Variants in ACSBG1 observed in about 807,000 individuals in gnomAD.
ACSBG1 encodes long-chain-fatty-acid--CoA ligase ACSBG1.
ACSBG1 carries 39 observed loss-of-function variants against 80.2 expected under a neutral mutation model. The observed-to-expected ratio is 0.49, with a 90% CI of 0.38 to 0.64. ACSBG1 has a LOEUF of 0.64. Ranked by LOEUF, ACSBG1 falls within the 30% of genes least tolerant of loss-of-function variation. The pLI is 0.00. For missense variants in ACSBG1, 828 were observed against 966.4 expected, an observed-to-expected ratio of 0.86 and a Z score of 1.90; for synonymous variants, 392 against 379.5, an observed-to-expected ratio of 1.03 and a Z score of -0.38.
intron 5 of ACSBG1, among the ~76,000 whole-genome samples, chr15:78,183,083 T>G (rs1246416138): frequency 6.6e-6 from 1 of 152,116 alleles, no homozygotes; most frequent in Non-Finnish European, 1.5e-5. Context: ...GGAGTAGTGC[T>G]ATGTGACTGT....
At chr15:78,212,636 A>G (rs1295147088) in intron 1 of ACSBG1, 1 of 455,406 alleles carries the variant, frequency 2.2e-6, no homozygotes, top group East Asian at 7.0e-5. Context: ...GAGCTTGCCC[A>G]GGAGAGAGCC....
At chr15:78,183,278 TTA>T (rs1448631649) in intron 5 of ACSBG1, among the ~76,000 whole-genome samples, 3 of 152,224 alleles carry the variant, frequency 2.0e-5, no homozygotes, top group Non-Finnish European at 4.4e-5. Context: ...AAGTATTTAC[TTA>T]TGTTTACAAA....
intron 2 of ACSBG1, among the ~76,000 whole-genome samples, chr15:78,203,383 T>G (rs903359781): frequency 6.6e-6 from 1 of 152,228 alleles, no homozygotes; most frequent in East Asian, 1.9e-4. Flanking sequence ...TACAGCGCAG[T>G]GGAGAACCCA....
At chr15:78,181,205 C>T in intron 8 of ACSBG1, 1 of 444,508 alleles carries the variant, frequency 2.2e-6, no homozygotes, top group Non-Finnish European at 4.0e-6. Flanking sequence ...ATGAGTCTAA[C>T]TTAGACACAA....
chr15:78,204,939 A>G (rs1167423600), intron 2 of ACSBG1, among the ~76,000 whole-genome samples: 1 of 152,110 alleles, frequency 6.6e-6, no homozygotes, highest in Non-Finnish European at 1.5e-5. Flanking sequence ...TGGACTGGAG[A>G]CAAGTGGGGC....
intron 1 of ACSBG1, among the ~76,000 whole-genome samples, chr15:78,224,777 T>C (rs1300999767): frequency 6.6e-6 from 1 of 152,030 alleles, no homozygotes; most frequent in African/African-American, 2.4e-5. Context: ...GAAACATGAA[T>C]ATACAGAAAG....
chr15:78,193,635 G>A lies in ACSBG1; in HGVS notation c.543-9C>T, dbSNP rs1395196852. On this transcript the variant is annotated splice_polypyrimidine_tract_variant and intron_variant, in intron 4 of 13. Transcript: ENST00000258873. ...TGCCAGTGACGATGCCACTGTAGGA[G>A]ACCCAGGAAGATTCACCTTAGGGGA... The A allele has an allele frequency of 6.2e-7, 1 of 1,609,612 alleles. No individual in the cohort carries two copies. The highest frequency in any genetic ancestry group is 8.5e-7 in the Non-Finnish European group (1 of 1,178,032).
intron 11 of ACSBG1, 173 bp from the exon 12 acceptor site, chr15:78,174,697 G>T: frequency 1.5e-6 from 1 of 685,832 alleles, no homozygotes; most frequent in Non-Finnish European, 2.4e-6. Flanking sequence ...CTGCTTGGGG[G>T]CTGGTGGCAG....
intron 7 of ACSBG1, 139 bp from the exon 8 acceptor site, chr15:78,182,284 G>T: frequency 7.6e-7 from 1 of 1,321,202 alleles, no homozygotes; most frequent in Non-Finnish European, 1.0e-6. Flanking sequence ...CCCAGGACAG[G>T]CCTCCCCTCC....
rs2141314060 is a variant in ACSBG1 at position 78,171,529 on chromosome 15, C to T, written c.2090G>A (p.Gly697Asp). The T allele has an allele frequency of 1.9e-6, 3 of 1,613,792 alleles. No homozygotes were observed. The highest frequency in any genetic ancestry group is 2.5e-6 in the Non-Finnish European group (3 of 1,179,762). ...GAGCCGTTTCAGTTTCATCGTGGGA[C>T]CTAAAAGGGAAATGAGAAGAAATGA... ...RDFSISGGEL[G>D]PTMKLKRLTV... The change falls in exon 14 of 14, where the codon GGT (glycine) becomes GAT (aspartate). Residue 697 changes from glycine to aspartate, a missense_variant and splice_region_variant. By Grantham distance (94) the Gly-to-Asp change is moderately conservative (BLOSUM62 -1). Around this residue, in one of 3 missense-constraint regions of ACSBG1, gnomAD observed 201 missense variants for 227.0 expected, o/e 0.89. Coordinates refer to ENST00000258873, the MANE Select transcript of ACSBG1 (RefSeq NM_015162.5).
At chr15:78,179,462 A>C in intron 10 of ACSBG1, 88 bp downstream of exon 10, 5 of 1,224,462 alleles carry the variant, frequency 4.1e-6, no homozygotes, top group Non-Finnish European at 5.8e-6. Flanking sequence ...TGCAAAGAGA[A>C]GGGGATCCCC....
chr15:78,215,754 G>GAA (rs1491406019), intron 1 of ACSBG1, among the ~76,000 whole-genome samples: 2 of 148,306 alleles, frequency 1.3e-5, no homozygotes, highest in South Asian at 2.1e-4. Flanking sequence ...AAGAAAGAAA[G>GAA]AAAGAAAGAA....
At chr15:78,192,376 G>C (rs572832847) in intron 5 of ACSBG1, among the ~76,000 whole-genome samples, 5 of 152,280 alleles carry the variant, frequency 3.3e-5, no homozygotes, top group Non-Finnish European at 1.5e-5. Flanking sequence ...CACCACCTCT[G>C]AGTTTAAACC....
At chr15:78,189,565 G>C (rs559288763) in intron 5 of ACSBG1, among the ~76,000 whole-genome samples, 1 of 151,520 alleles carries the variant, frequency 6.6e-6, no homozygotes, top group African/African-American at 2.4e-5. Context: ...GTAAACTATC[G>C]CAAGAACAAA....
In ACSBG1 at chr15:78,169,354, G is replaced by T. The variant is rs1404727039; in HGVS notation, c.*2090C>A. ...ATAACAGGATACAGAATTAACAAGA[G>T]AAAATGTCTAACTTTTTAAGAAAAA... On this transcript the variant is annotated 3_prime_UTR_variant, in exon 14 of 14. Transcript: ENST00000258873. 6.0e-6 allele frequency: 1 copy of T among 165,934 alleles called. No homozygotes were observed. Among genetic ancestry groups the T allele is most frequent in the Non-Finnish European group, 1.3e-5 (1 of 77,500 alleles). The allele number at this position is 165,934 out of a possible 1,614,324, so 10.3% of individuals were successfully genotyped here.
At chr15:78,194,067 G>A in intron 3 of ACSBG1, 47 bp from the exon 4 acceptor site, 1 of 1,584,600 alleles carries the variant, frequency 6.3e-7, no homozygotes, top group East Asian at 2.2e-5. Flanking sequence ...CAGGGACTGG[G>A]ACCCTCATGC....
chr15:78,217,561 GA>G (rs199600240), intron 1 of ACSBG1, among the ~76,000 whole-genome samples: 14 of 134,266 alleles, frequency 1.0e-4, no homozygotes, highest in Non-Finnish European at 2.1e-4. Flanking sequence ...GACCCTTTTG[GA>G]AAAATTTTTT....
chr15:78,189,565 G>A (rs559288763), intron 5 of ACSBG1, among the ~76,000 whole-genome samples: 16 of 151,638 alleles, frequency 1.1e-4, no homozygotes, highest in East Asian at 3.9e-4. Context: ...GTAAACTATC[G>A]CAAGAACAAA....
intron 2 of ACSBG1, among the ~76,000 whole-genome samples, chr15:78,203,747 G>C (rs973899327): frequency 6.6e-6 from 1 of 152,248 alleles, no homozygotes; most frequent in Admixed American, 6.5e-5. Flanking sequence ...TGGTCTGTGG[G>C]AAAGGCTGCA....
Sources: allele counts gnomAD v4.1 joint callset (sites outside exome capture counted in the v4.1 genomes callset), GRCh38; gene constraint gnomAD v4.1.1; regional missense constraint gnomAD v4.1.1; transcripts MANE v1.5; gene names NCBI Gene and HGNC (gene_info 2026-07-23, HGNC 2026-07-21).